DCDC2: variants seen among roughly 807,000 people sequenced by gnomAD.
DCDC2 encodes the protein doublecortin domain-containing protein 2.
A neutral mutation model predicts 50.2 loss-of-function variants in DCDC2; 40 were observed. The ratio of observed to expected loss-of-function variants is 0.80; its 90% CI spans 0.62 to 1.04. The LOEUF is 1.04. DCDC2 is among the 50% of genes least tolerant of loss of function. The pLI is 0.00. For synonymous variants in DCDC2, 234 were observed against 210.6 expected, an observed-to-expected ratio of 1.11 and a Z score of -0.96; for missense variants, 570 against 581.9, an observed-to-expected ratio of 0.98 and a Z score of 0.21.
At chr6:24,333,076 T>A (rs12661152) in intron 2 of DCDC2, among the ~76,000 whole-genome samples, 1 of 152,010 alleles carries the variant, frequency 6.6e-6, no homozygotes, top group South Asian at 2.1e-4. Context: ...AGGGTAAATA[T>A]GAGCAAAAAA....
intron 2 of DCDC2, among the ~76,000 whole-genome samples, chr6:24,318,686 T>C (rs1759715771): frequency 6.6e-6 from 1 of 152,082 alleles, no homozygotes; most frequent in Non-Finnish European, 1.5e-5. Flanking sequence ...GTAGTTACGC[T>C]TAAGATAATG....
intron 7 of DCDC2, among the ~76,000 whole-genome samples, chr6:24,258,860 G>A (rs575238748): frequency 3.3e-5 from 5 of 152,162 alleles, no homozygotes; most frequent in Non-Finnish European, 7.4e-5. Flanking sequence ...AGCTAAGCAA[G>A]TTTGAATCCT....
intron 6 of DCDC2, among the ~76,000 whole-genome samples, chr6:24,279,274 T>C (rs1377226057): frequency 6.6e-6 from 1 of 151,654 alleles, no homozygotes. Context: ...GAGGCAGAGG[T>C]GGGAGGATCA....
intron 7 of DCDC2, among the ~76,000 whole-genome samples, chr6:24,238,279 T>C (rs1696774498): frequency 6.8e-6 from 1 of 147,480 alleles, no homozygotes; most frequent in African/African-American, 2.5e-5. Flanking sequence ...TGGACACTTG[T>C]GTTTCATTCC....
At chr6:24,188,879 C>T (rs1054032023) in intron 8 of DCDC2, among the ~76,000 whole-genome samples, 6 of 152,090 alleles carry the variant, frequency 3.9e-5, no homozygotes, top group African/African-American at 1.4e-4. Context: ...ATTCCAGCCT[C>T]ACAGCCTCTC....
chr6:24,215,889 GA>G (rs1252473287), intron 7 of DCDC2, among the ~76,000 whole-genome samples: 2 of 152,200 alleles, frequency 1.3e-5, no homozygotes, highest in African/African-American at 4.8e-5. Flanking sequence ...GTATTGGCAG[GA>G]CTCCGTGACT....
chr6:24,288,783 C>T, intron 6 of DCDC2, 69 bp downstream of exon 6: 2 of 1,430,850 alleles, frequency 1.4e-6, no homozygotes, highest in Admixed American at 1.7e-5. Context: ...TTAATTGAAG[C>T]CCAAAGGACA....
chr6:24,356,879 C>G (rs912328615), intron 1 of DCDC2: 1 of 152,236 alleles, frequency 6.6e-6, no homozygotes, highest in Non-Finnish European at 1.5e-5. Flanking sequence ...TCGACAAATA[C>G]AGTCAGCCAG....
intron 7 of DCDC2, among the ~76,000 whole-genome samples, chr6:24,211,161 C>T (rs181075438): frequency 5.6e-4 from 85 of 152,196 alleles, no homozygotes; most frequent in Non-Finnish European, 9.6e-4. Flanking sequence ...CTGTTCCATC[C>T]CCAGCACTAA....
intron 8 of DCDC2, among the ~76,000 whole-genome samples, chr6:24,198,058 T>C (rs779141366): frequency 3.7e-4 from 56 of 152,200 alleles, no homozygotes; most frequent in Non-Finnish European, 6.2e-4. Context: ...TACAGTGTTC[T>C]ACTGGCCTAA....
chr6:24,339,139 C>T (rs1760110040), intron 2 of DCDC2, among the ~76,000 whole-genome samples: 1 of 152,010 alleles, frequency 6.6e-6, no homozygotes, highest in African/African-American at 2.4e-5. Context: ...CAGACATTCA[C>T]ACATGTCATC....
intron 8 of DCDC2, among the ~76,000 whole-genome samples, chr6:24,187,278 G>A (rs1761225315): frequency 6.6e-6 from 1 of 152,146 alleles, no homozygotes; most frequent in African/African-American, 2.4e-5. Context: ...TTTGGAGTGG[G>A]GAGAGTCCTC....
At chr6:24,379,891 A>G in the DCDC2 span, among the ~76,000 whole-genome samples, 84,103 of 151,902 alleles carry the variant, frequency 0.55, 24,847 homozygotes, top group East Asian at 0.8. Flanking sequence ...TCCTTTGCAG[A>G]GACATGGATA....
At chr6:24,231,183 T>C (rs531408443) in intron 7 of DCDC2, among the ~76,000 whole-genome samples, 1 of 152,348 alleles carries the variant, frequency 6.6e-6, no homozygotes, top group African/African-American at 2.4e-5. Flanking sequence ...GCATCGCTGT[T>C]GTCAGACCTT....
At chr6:24,199,358 C>T (rs796438639) in intron 8 of DCDC2, among the ~76,000 whole-genome samples, 1 of 152,194 alleles carries the variant, frequency 6.6e-6, no homozygotes, top group Non-Finnish European at 1.5e-5. Flanking sequence ...GCTGGTGATA[C>T]CCAGGCAAAC....
At chr6:24,224,373 T>C (rs1762183728) in intron 7 of DCDC2, among the ~76,000 whole-genome samples, 1 of 152,198 alleles carries the variant, frequency 6.6e-6, no homozygotes, top group African/African-American at 2.4e-5. Context: ...GGGCACACTA[T>C]GTGTTCTCAT....
At chr6:24,203,154 C>A (rs1761625707) in intron 8 of DCDC2, among the ~76,000 whole-genome samples, 2 of 152,020 alleles carry the variant, frequency 1.3e-5, no homozygotes, top group Non-Finnish European at 1.5e-5. Flanking sequence ...TCATATGGGA[C>A]CAAAAAAGAG....
intron 6 of DCDC2, among the ~76,000 whole-genome samples, chr6:24,282,925 T>C (rs1204108813): frequency 6.6e-6 from 1 of 152,196 alleles, no homozygotes; most frequent in Non-Finnish European, 1.5e-5. Flanking sequence ...CATCTTAATA[T>C]GTGTATAACT....
chr6:24,205,208 C>T (rs760965709), intron 7 of DCDC2, 106 bp from the exon 8 acceptor site: 2 of 1,612,908 alleles, frequency 1.2e-6, no homozygotes, highest in South Asian at 2.2e-5. Flanking sequence ...ATTTGGATTC[C>T]CTTTTTAGTT....
Sources: allele counts gnomAD v4.1 joint callset (sites outside exome capture counted in the v4.1 genomes callset), GRCh38; gene constraint gnomAD v4.1.1; transcripts MANE v1.5; gene names NCBI Gene and HGNC (gene_info 2026-07-23, HGNC 2026-07-21).